Variants in DHRSX observed in about 807,000 individuals in gnomAD.
DHRSX encodes dehydrogenase/reductase X-linked.
DHRSX carries 31 observed loss-of-function variants against 34.0 expected under a neutral mutation model. That is an observed-to-expected ratio of 0.91 (90% CI 0.69 to 1.23). The LOEUF is 1.23. Among genes scored for constraint, DHRSX ranks in the 50% most tolerant of loss-of-function variants. DHRSX has a pLI of 0.00. For missense variants in DHRSX, 414 were observed against 428.1 expected (o/e 0.97, Z 0.29); for synonymous variants, 201 against 183.8 (o/e 1.09, Z -0.76).
intron 3 of DHRSX, among the ~76,000 whole-genome samples, chrX:2,304,151 G>GGATGGATGGATGAACT (rs2042064221): frequency 6.8e-6 from 1 of 146,106 alleles, no homozygotes; most frequent in African/African-American, 2.6e-5. Flanking sequence ...ATGGATGGAT[G>GGATGGATGGATGAACT]GATGGATGGA....
chrX:2,283,638 T>C (rs2041761280), intron 4 of DHRSX, among the ~76,000 whole-genome samples: 1 of 152,176 alleles, frequency 6.6e-6, no homozygotes, highest in South Asian at 2.1e-4. Flanking sequence ...CTTCTGTTGA[T>C]GCAGAACTGC....
chrX:2,264,707 CAG>C (rs2041418363), intron 5 of DHRSX, among the ~76,000 whole-genome samples: 1 of 150,030 alleles, frequency 6.7e-6, no homozygotes, highest in Admixed American at 6.6e-5. Context: ...CCAGTAGACA[CAG>C]AGAGCAGTGT....
intron 3 of DHRSX, among the ~76,000 whole-genome samples, chrX:2,399,745 A>C (rs1004243804): frequency 6.7e-6 from 1 of 149,980 alleles, no homozygotes; most frequent in African/African-American, 2.5e-5. Flanking sequence ...AAAAAAAACA[A>C]AAAAACACAG....
intron 3 of DHRSX, among the ~76,000 whole-genome samples, chrX:2,313,953 C>T (rs62593071): frequency 0.72 from 109,568 of 151,614 alleles, 40,651 homozygotes; most frequent in African/African-American, 0.82. Flanking sequence ...TGGTTGACAA[C>T]TGGTTGAGTT....
rs1486365041 is a variant in DHRSX at position 2,500,919 on chromosome X, G to A, written c.7C>T (p.Pro3Ser). 1.4e-5 allele frequency: 15 copies of A among 1,094,232 alleles called. No homozygotes were observed. Among genetic ancestry groups the A allele is most frequent in the Admixed American group, 5.2e-5 (1 of 19,272 alleles). 67.8% of individuals were successfully genotyped at this position (1,094,232 alleles called of 1,614,324 possible). Residue 3 changes from proline (P) to serine (S), a missense_variant, in exon 1 of 7, where the codon CCA (proline) becomes TCA (serine). Coordinates refer to ENST00000334651, the MANE Select transcript of DHRSX (RefSeq NM_145177.3). MS[P>S]LSAARAALRV... The stretch of plus-strand genomic sequence containing the variant: ...AGGGCCGCCCGCGCCGCAGACAATG[G>A]CGACATGGCTGCCCCGGCCGCGCCG...
At chrX:2,458,462 C>T (rs760912940) in intron 1 of DHRSX, among the ~76,000 whole-genome samples, 33 of 152,104 alleles carry the variant, frequency 2.2e-4, no homozygotes, top group Non-Finnish European at 7.4e-5. Context: ...GTGCATCAAG[C>T]GAATGTGGCA....
rs2925848 is a variant in DHRSX at position 2,481,736 on chromosome X, G to C, written c.109+19081C>G. Among the ~76,000 whole-genome samples the C allele has an allele frequency of 4.4e-3, 670 of 151,964 alleles. 1 individual carries two copies. Among genetic ancestry groups the C allele is most frequent in the African/African-American group, 0.013 (536 of 41,488 alleles). ...GACCTTCCAGTGAGCACACGAGGTC[G>C]TCTCACAAAGCGGCGAGTGTTCCCA... is the stretch of plus-strand genomic sequence containing the variant. On this transcript the variant is annotated intron_variant, in intron 1 of 6. Coordinates refer to ENST00000334651, the MANE Select transcript of DHRSX (RefSeq NM_145177.3).
intron 4 of DHRSX, among the ~76,000 whole-genome samples, chrX:2,269,562 G>A (rs1460645180): frequency 6.6e-6 from 1 of 152,120 alleles, no homozygotes; most frequent in Admixed American, 6.5e-5. Context: ...TTGAGGAGGA[G>A]TTTCGCTCTT....
chrX:2,392,470 C>A (rs747704050), intron 3 of DHRSX: 3 of 290,384 alleles, frequency 1.0e-5, no homozygotes, highest in Non-Finnish European at 2.1e-5. Flanking sequence ...GCAAGACTCA[C>A]GTCTCTTAAA....
chrX:2,237,328 T>C (rs1262750824), intron 6 of DHRSX, among the ~76,000 whole-genome samples: 1 of 152,124 alleles, frequency 6.6e-6, no homozygotes, highest in Non-Finnish European at 1.5e-5. Flanking sequence ...TACAAATACA[T>C]GCTTAAGACA....
intron 4 of DHRSX, among the ~76,000 whole-genome samples, chrX:2,276,032 C>A (rs1432579190): frequency 6.6e-6 from 1 of 151,928 alleles, no homozygotes; most frequent in Non-Finnish European, 1.5e-5. Context: ...TTAGTAGAGA[C>A]GGGATTTCAC....
intron 3 of DHRSX, among the ~76,000 whole-genome samples, chrX:2,356,693 A>G (rs1412187814): frequency 2.0e-5 from 3 of 152,118 alleles, no homozygotes; most frequent in Non-Finnish European, 4.4e-5. Flanking sequence ...TCTCCTCCTC[A>G]GCCTCCTCCA....
chrX:2,255,552 A>G (rs2041265090), intron 5 of DHRSX, among the ~76,000 whole-genome samples: 1 of 152,208 alleles, frequency 6.6e-6, no homozygotes, highest in Admixed American at 6.6e-5. Flanking sequence ...AGGCACGCCC[A>G]TGCCTATAAC....
At chrX:2,460,795 C>G (rs1456795763) in intron 1 of DHRSX, among the ~76,000 whole-genome samples, 2 of 152,092 alleles carry the variant, frequency 1.3e-5, no homozygotes, top group African/African-American at 4.8e-5. Flanking sequence ...GTTGACCAGG[C>G]TGGTCTCAAA....
intron 3 of DHRSX, among the ~76,000 whole-genome samples, chrX:2,403,071 C>T (rs754269908): frequency 8.2e-4 from 125 of 151,950 alleles, no homozygotes; most frequent in African/African-American, 2.8e-3. Flanking sequence ...TTAGTAGAGA[C>T]GGGGTTTCAC....
At chrX:2,414,001 C>T (rs764077930) in intron 2 of DHRSX, among the ~76,000 whole-genome samples, 8 of 151,878 alleles carry the variant, frequency 5.3e-5, no homozygotes, top group South Asian at 4.2e-4. Flanking sequence ...TCACAACCAA[C>T]GACACTAGAC....
intron 1 of DHRSX, among the ~76,000 whole-genome samples, chrX:2,473,320 G>A (rs1429572357): frequency 6.6e-6 from 1 of 152,134 alleles, no homozygotes; most frequent in East Asian, 1.9e-4. Context: ...TTGAAACCAG[G>A]TGGATCAAGA....
At chrX:2,370,030 C>T (rs1300439112) in intron 3 of DHRSX, among the ~76,000 whole-genome samples, 1 of 152,138 alleles carries the variant, frequency 6.6e-6, no homozygotes, top group Non-Finnish European at 1.5e-5. Flanking sequence ...AGGATAGATG[C>T]TTCCCAACCT....
intron 3 of DHRSX, among the ~76,000 whole-genome samples, chrX:2,293,697 T>C (rs1027705508): frequency 6.6e-6 from 1 of 152,066 alleles, no homozygotes; most frequent in Non-Finnish European, 1.5e-5. Context: ...CTGCTGGTGG[T>C]CAGTGTCATT....
Sources: allele counts gnomAD v4.1 joint callset (sites outside exome capture counted in the v4.1 genomes callset), GRCh38; gene constraint gnomAD v4.1.1; transcripts MANE v1.5; gene names NCBI Gene and HGNC (gene_info 2026-07-23, HGNC 2026-07-21).